Variants in XKR3 observed in about 807,000 individuals in gnomAD.
XKR3 encodes XK-related protein 3.
Under a neutral mutation model 40.3 loss-of-function variants are expected in XKR3, and 27 were observed. The observed-to-expected ratio is 0.67, with a 90% CI of 0.49 to 0.92. The LOEUF is 0.92. XKR3 is among the 40% of genes least tolerant of loss of function. The pLI, the probability that XKR3 is intolerant of heterozygous loss-of-function variation, is 0.00. For missense variants in XKR3, 472 were observed against 537.6 expected (o/e 0.88, Z 1.21); for synonymous variants, 193 against 195.4 (o/e 0.99, Z 0.10).
At chr22:16,823,617 A>G (rs940694284) in intron 1 of XKR3, among the ~76,000 whole-genome samples, 1 of 152,236 alleles carries the variant, frequency 6.6e-6, no homozygotes, top group Non-Finnish European at 1.5e-5. Context: ...ACTTTAAAAT[A>G]TATCTGATTG....
At chr22:16,817,619 G>A (rs2060239276) in intron 1 of XKR3, among the ~76,000 whole-genome samples, 2 of 151,966 alleles carry the variant, frequency 1.3e-5, no homozygotes. Flanking sequence ...CTCAGAAATG[G>A]TCTCTTCCCT....
At chr22:16,798,636 A>T (rs547204477) in intron 3 of XKR3, among the ~76,000 whole-genome samples, 2 of 152,366 alleles carry the variant, frequency 1.3e-5, no homozygotes, top group South Asian at 4.1e-4. Context: ...GTATGGTTGC[A>T]TAGTATTCCA....
At chr22:16,819,559 G>A (rs1267280818) in intron 1 of XKR3, among the ~76,000 whole-genome samples, 2 of 152,082 alleles carry the variant, frequency 1.3e-5, no homozygotes, top group Non-Finnish European at 2.9e-5. Flanking sequence ...ACATCCATAG[G>A]TTAAGGAAAA....
chr22:16,788,768 T>A (rs2108586), intron 3 of XKR3, among the ~76,000 whole-genome samples: 1 of 151,962 alleles, frequency 6.6e-6, no homozygotes, highest in South Asian at 2.1e-4. Context: ...TGAGTTATAA[T>A]GCACATTTAG....
intron 3 of XKR3, among the ~76,000 whole-genome samples, chr22:16,795,657 A>G (rs2060137344): frequency 6.6e-6 from 1 of 151,990 alleles, no homozygotes; most frequent in African/African-American, 2.4e-5. Flanking sequence ...ATAGTGTGCT[A>G]CCTAAATTAA....
rs2060090720 is a variant in XKR3 at position 16,786,261 on chromosome 22, C to CACACACACACACACAA, written c.590-1853_590-1852insTTGTGTGTGTGTGTGT. On this transcript the variant is annotated intron_variant, in intron 3 of 3. Coordinates refer to ENST00000684488, the MANE Select transcript of XKR3 (RefSeq NM_001386955.1). ...CCTGTATCTACAAAACGCGTGCACA[C>CACACACACACACACAA]ACACACACACACAAATACACAAATT... 3.3e-5 allele frequency among the ~76,000 whole-genome samples: 5 copies of CACACACACACACACAA among 151,804 alleles called. No homozygotes were observed. The South Asian group carries it at 1.0e-3, about 32-fold the overall frequency.
At chr22:16,789,199 C>A (rs1245548229) in intron 3 of XKR3, among the ~76,000 whole-genome samples, 1 of 151,816 alleles carries the variant, frequency 6.6e-6, no homozygotes, top group African/African-American at 2.4e-5. Flanking sequence ...AGAAAAGGTA[C>A]CCAAATTGGA....
At chr22:16,813,542 C>T (rs551430377) in intron 1 of XKR3, among the ~76,000 whole-genome samples, 1 of 152,110 alleles carries the variant, frequency 6.6e-6, no homozygotes, top group African/African-American at 2.4e-5. Context: ...TGTGGATTTG[C>T]ACCAATTATA....
chr22:16,823,653 TA>T (rs2060264682), intron 1 of XKR3, among the ~76,000 whole-genome samples: 1 of 152,198 alleles, frequency 6.6e-6, no homozygotes, highest in East Asian at 1.9e-4. Flanking sequence ...ACAAGACTAG[TA>T]AACATTTACT....
chr22:16,806,268 A>AAAAAAG (rs1238691056), intron 2 of XKR3, among the ~76,000 whole-genome samples: 2 of 144,308 alleles, frequency 1.4e-5, no homozygotes, highest in Admixed American at 7.0e-5. Flanking sequence ...CTCAAAAAAA[A>AAAAAAG]AAAGAAAAAA....
At chr22:16,795,605 A>AC (rs1275908272) in intron 3 of XKR3, among the ~76,000 whole-genome samples, 1 of 152,056 alleles carries the variant, frequency 6.6e-6, no homozygotes, top group Non-Finnish European at 1.5e-5. Flanking sequence ...CTTAAACCAA[A>AC]CCAAGAGTTG....
chr22:16,793,247 G>T (rs2060127809), intron 3 of XKR3, among the ~76,000 whole-genome samples: 1 of 152,146 alleles, frequency 6.6e-6, no homozygotes, highest in African/African-American at 2.4e-5. Context: ...CCTGACCTCA[G>T]GTGATCTGTC....
chr22:16,824,723 A>G (rs1457780224), intron 1 of XKR3, among the ~76,000 whole-genome samples: 2 of 152,164 alleles, frequency 1.3e-5, no homozygotes, highest in African/African-American at 4.8e-5. Flanking sequence ...TGCAGATTGC[A>G]CCTTTCTGGC....
At chr22:16,815,823 T>A (rs1356079611) in intron 1 of XKR3, among the ~76,000 whole-genome samples, 3 of 152,000 alleles carry the variant, frequency 2.0e-5, no homozygotes, top group Non-Finnish European at 2.9e-5. Context: ...TCAAATTTAA[T>A]TCTGGCGTAT....
rs756130513 is a variant in XKR3 at position 16,799,793 on chromosome 22, T to A, written c.567A>T (p.Ile189=). The part of the protein sequence containing the change: ...LILQMYISLT[I]REWPLNRALL... ...TACCTCTATTCAAAGGCCATTCTCG[T>A]ATAGTGAGACTGATATACATCTGCA... The change falls in exon 3 of 4, where the codon ATA becomes ATT. Residue 189 remains isoleucine (I), a synonymous_variant. Coordinates refer to ENST00000684488, the MANE Select transcript of XKR3 (RefSeq NM_001386955.1). 4.3e-6 allele frequency: 7 copies of A among 1,613,934 alleles called. No homozygotes were observed. Among genetic ancestry groups the A allele is most frequent in the Admixed American group, 3.3e-5 (2 of 60,000 alleles).
At chr22:16,803,766 A>G (rs1256500455) in intron 2 of XKR3, among the ~76,000 whole-genome samples, 1 of 152,220 alleles carries the variant, frequency 6.6e-6, no homozygotes, top group East Asian at 1.9e-4. Flanking sequence ...TATAAGGGCT[A>G]AAAAGGGGAG....
At chr22:16,800,856 G>A (rs1368437127) in intron 2 of XKR3, among the ~76,000 whole-genome samples, 4 of 152,114 alleles carry the variant, frequency 2.6e-5, no homozygotes, top group Non-Finnish European at 4.4e-5. Flanking sequence ...AAATAATGGA[G>A]TACTTCAGAA....
At chr22:16,799,487 A>T (rs2060158285) in intron 3 of XKR3, among the ~76,000 whole-genome samples, 1 of 150,566 alleles carries the variant, frequency 6.6e-6, no homozygotes, top group African/African-American at 2.4e-5. Flanking sequence ...TTAGATAAAA[A>T]CTTATTCCTC....
chr22:16,816,892 AT>A (rs1216855401), intron 1 of XKR3, among the ~76,000 whole-genome samples: 1 of 152,048 alleles, frequency 6.6e-6, no homozygotes, highest in East Asian at 1.9e-4. Context: ...TAAACAATAA[AT>A]AGCATTTTAG....
Sources: allele counts gnomAD v4.1 joint callset (sites outside exome capture counted in the v4.1 genomes callset), GRCh38; gene constraint gnomAD v4.1.1; transcripts MANE v1.5; gene names NCBI Gene and HGNC (gene_info 2026-07-23, HGNC 2026-07-21).